The following AGO2 variants were observed in gnomAD, a reference collection of about 807,000 sequenced individuals.
AGO2 encodes argonaute RISC catalytic component 2.
In AGO2, 5 loss-of-function variants were observed where a neutral mutation model predicts 102.3. The observed-to-expected ratio is 0.05, with a 90% CI of 0.03 to 0.10. The LOEUF (loss-of-function observed/expected upper bound fraction) is 0.10. Ranked by LOEUF, AGO2 falls within the 10% of genes least tolerant of loss-of-function variation. AGO2 has a pLI of 1.00. For missense variants in AGO2, 541 were observed against 1,183.7 expected (o/e 0.46, Z 7.97); for synonymous variants, 449 against 473.1 (o/e 0.95, Z 0.66).
At chr8:140,563,719 T>A (rs935670455) in intron 3 of AGO2, among the ~76,000 whole-genome samples, 1 of 152,210 alleles carries the variant, frequency 6.6e-6, no homozygotes, top group Non-Finnish European at 1.5e-5. Context: ...GCCTGCTGCC[T>A]CTGCTCTGTG....
Position 140,535,500 on chromosome 8 carries a change from C to T in AGO2, c.2239G>A (p.Asp747Asn). 1.2e-6 allele frequency: 2 copies of T among 1,614,232 alleles called. No homozygotes were observed. Among genetic ancestry groups the T allele is most frequent in the Non-Finnish European group, 1.7e-6 (2 of 1,180,038 alleles). Residue 747 changes from aspartate to asparagine, a missense_variant, in exon 17 of 19, where the codon GAC becomes AAC. By Grantham distance (23) the Asp-to-Asn change is conservative. This residue lies in a region of AGO2 where 309 missense variants were observed against 735.1 expected (regional missense o/e 0.42). Transcript: ENST00000220592. ...CCAGCGTGACTACACAGGTAGAAGT[C>T]GAACTCGGTGGGGTGGGTGATTTTC... The part of the protein sequence containing the change: ...DTKITHPTEF[D>N]FYLCSHAGIQ...
At chr8:140,635,194 G>C (rs2152113192) in intron 1 of AGO2, among the ~76,000 whole-genome samples, 1 of 146,358 alleles carries the variant, frequency 6.8e-6, no homozygotes, top group South Asian at 2.1e-4. Flanking sequence ...GCTGGGACGC[G>C]GGCCCGAGGC....
chr8:140,593,906 A>C (rs1343894720), intron 1 of AGO2, among the ~76,000 whole-genome samples: 1 of 152,194 alleles, frequency 6.6e-6, no homozygotes, highest in Non-Finnish European at 1.5e-5. Flanking sequence ...ACTATGCTTA[A>C]ATCAAACAAA....
chr8:140,527,874 T>C lies in AGO2; in HGVS notation c.*4170A>G, dbSNP rs1010206305. On this transcript the variant is annotated 3_prime_UTR_variant, in exon 19 of 19. Coordinates refer to ENST00000220592, the MANE Select transcript of AGO2 (RefSeq NM_012154.5). The surrounding 1 kb of genome is among the most constrained non-coding windows in gnomAD (Gnocchi z 6.0). ...TGGAACTGCCTTATGTGTAGGAAAATGCCCATGAAAAATCCTTTTAACTGT... is the reference window on the plus strand; with the variant it reads ...TGGAACTGCCTTATGTGTAGGAAAACGCCCATGAAAAATCCTTTTAACTGT... The C allele has an allele frequency of 6.6e-6, 1 of 152,152 alleles. No homozygotes were observed. The highest frequency in any genetic ancestry group is 2.4e-5 in the African/African-American group (1 of 41,430). The allele number at this position is 152,152 out of a possible 1,614,324, so 9.4% of individuals were successfully genotyped here. A position where few individuals can be genotyped will look rare whatever the true frequency, so the allele number is the denominator to read the frequency against.
At chr8:140,550,636 A>C (rs1474711119) in intron 11 of AGO2, among the ~76,000 whole-genome samples, 1 of 151,906 alleles carries the variant, frequency 6.6e-6, no homozygotes, top group East Asian at 1.9e-4. Context: ...TTTTTTCTTG[A>C]GATGGGGTCT....
intron 1 of AGO2, among the ~76,000 whole-genome samples, chr8:140,598,756 G>A (rs942025844): frequency 6.6e-6 from 1 of 152,184 alleles, no homozygotes; most frequent in African/African-American, 2.4e-5. Flanking sequence ...AGCTACACCT[G>A]CCCCAACAGG....
Position 140,541,368 on chromosome 8 carries a change from C to T in AGO2, c.1840-10G>A. ...CCATGCTGCCCACCACCTGCAGGAA[C>T]AGGCAGTGAGTGTGGTCAGGGGTTC... is the stretch of plus-strand genomic sequence containing the variant. On this transcript the variant is annotated splice_polypyrimidine_tract_variant and intron_variant, in intron 14 of 18. Coordinates refer to ENST00000220592, the MANE Select transcript of AGO2 (RefSeq NM_012154.5). 1 of 1,594,318 alleles carries T rather than the reference C, an allele frequency of 6.3e-7. No individual in the cohort carries two copies. Among genetic ancestry groups the T allele is most frequent in the Non-Finnish European group, 8.5e-7 (1 of 1,172,300 alleles).
intron 6 of AGO2, 113 bp from the exon 7 acceptor site, chr8:140,558,685 G>T (rs947186687): frequency 1.8e-6 from 2 of 1,126,950 alleles, no homozygotes; most frequent in Non-Finnish European, 1.3e-6. Flanking sequence ...AGTTATGGGG[G>T]GCTGCAGGGC....
chr8:140,575,369 C>A (rs1310907955), intron 2 of AGO2, among the ~76,000 whole-genome samples: 1 of 152,248 alleles, frequency 6.6e-6, no homozygotes, highest in Admixed American at 6.5e-5. Flanking sequence ...CTGCTCTGGG[C>A]TGCCCAAGAC....
chr8:140,537,235 G>A (rs950826336), intron 16 of AGO2, among the ~76,000 whole-genome samples: 1 of 152,094 alleles, frequency 6.6e-6, no homozygotes, highest in Admixed American at 6.5e-5. Flanking sequence ...CCTTCCGTGT[G>A]AACTCAGCTA....
chr8:140,547,703 C>A (rs1258897821), intron 12 of AGO2, 76 bp from the exon 13 acceptor site: 1 of 1,539,688 alleles, frequency 6.5e-7, no homozygotes, highest in African/African-American at 1.4e-5. Context: ...CAGCTGCCAC[C>A]AGCCCTCTTG....
In AGO2 at chr8:140,522,764, G is replaced by A. The variant is rs2072439356; in HGVS notation, c.*9280C>T. The A allele has an allele frequency of 6.7e-6, 1 of 149,694 alleles. No homozygotes were observed. The highest frequency in any genetic ancestry group is 6.7e-5 in the Admixed American group (1 of 14,984). 9.3% of individuals were successfully genotyped at this position (149,694 alleles called of 1,614,324 possible). A position where few individuals can be genotyped will look rare whatever the true frequency, so the allele number is the denominator to read the frequency against. ...GAGAGAGAGAGGTGTATCACTGAATGCTTCCCTTTAACTCCAGAAAAAAAT... is the reference window on the plus strand; with the variant it reads ...GAGAGAGAGAGGTGTATCACTGAATACTTCCCTTTAACTCCAGAAAAAAAT... On this transcript the variant is annotated 3_prime_UTR_variant, in exon 19 of 19. Coordinates refer to ENST00000220592, the MANE Select transcript of AGO2 (RefSeq NM_012154.5).
chr8:140,633,855 C>T (rs2074370104), intron 1 of AGO2, among the ~76,000 whole-genome samples: 1 of 152,242 alleles, frequency 6.6e-6, no homozygotes, highest in African/African-American at 2.4e-5. Flanking sequence ...CCAACCTCAG[C>T]AAGTGGAGTG....
At chr8:140,559,340 G>A (rs1483403067) in intron 6 of AGO2, 55 bp downstream of exon 6, 91 of 1,596,508 alleles carry the variant, frequency 5.7e-5, no homozygotes, top group Non-Finnish European at 4.1e-5. Context: ...TCCCGGAGGC[G>A]GACCGGGAAG....
At chr8:140,533,970 T>C in intron 17 of AGO2, among the ~76,000 whole-genome samples, 1 of 152,216 alleles carries the variant, frequency 6.6e-6, no homozygotes. Flanking sequence ...TCTGCCTGCC[T>C]GCCCGCCTCA....
intron 1 of AGO2, among the ~76,000 whole-genome samples, chr8:140,612,689 T>C (rs994166197): frequency 6.6e-6 from 1 of 151,482 alleles, no homozygotes; most frequent in Non-Finnish European, 1.5e-5. Flanking sequence ...GAGGCGGAGG[T>C]TGCAGTGAGC....
At chr8:140,577,547 T>C (rs1171041577) in intron 2 of AGO2, among the ~76,000 whole-genome samples, 1 of 152,156 alleles carries the variant, frequency 6.6e-6, no homozygotes, top group African/African-American at 2.4e-5. Context: ...AACAAACTCA[T>C]CCTAAAATAG....
intron 16 of AGO2, among the ~76,000 whole-genome samples, chr8:140,538,539 C>A (rs182674385): frequency 1.5e-3 from 222 of 152,374 alleles, no homozygotes; most frequent in African/African-American, 5.0e-3. Flanking sequence ...TCCTGCTCCT[C>A]CTCATTCCCC....
At chr8:140,576,465 T>G (rs1440554862) in intron 2 of AGO2, among the ~76,000 whole-genome samples, 1 of 152,168 alleles carries the variant, frequency 6.6e-6, no homozygotes, top group Admixed American at 6.5e-5. Context: ...CCAACTTCAA[T>G]GAGCAAAATA....
Sources: allele counts gnomAD v4.1 joint callset (sites outside exome capture counted in the v4.1 genomes callset), GRCh38; gene constraint gnomAD v4.1.1; regional missense constraint gnomAD v4.1.1; non-coding constraint Gnocchi (gnomAD v3.1); transcripts MANE v1.5; gene names NCBI Gene and HGNC (gene_info 2026-07-23, HGNC 2026-07-21).